Variants in NCBP1 observed in about 807,000 individuals in gnomAD.
NCBP1 encodes the protein nuclear cap-binding protein subunit 1.
NCBP1 carries 16 observed loss-of-function variants against 111.7 expected under a neutral mutation model. The observed-to-expected ratio is 0.14, with a 90% CI of 0.10 to 0.22. The LOEUF (loss-of-function observed/expected upper bound fraction) is 0.22. Among genes scored for constraint, NCBP1 ranks in the 10% least tolerant of loss-of-function variants. NCBP1 has a pLI of 1.00. For synonymous variants in NCBP1, 304 were observed against 314.3 expected (o/e 0.97, Z 0.35); for missense variants, 607 against 957.5 (o/e 0.63, Z 4.83).
chr9:97,648,086 C>T lies in NCBP1; in HGVS notation c.760C>T (p.Leu254Phe). ...GGAACGGCACATCCTAAGACCTTATCTTGCCTTTGACAGCATCCTGTGTGA... is the reference window on the plus strand; with the variant it reads ...GGAACGGCACATCCTAAGACCTTATTTTGCCTTTGACAGCATCCTGTGTGA... ...WQERHILRPY[L>F]AFDSILCEAL... Residue 254 changes from leucine (L) to phenylalanine (F), a missense_variant, in exon 8 of 23, where the codon CTT becomes TTT. Leu to Phe is a conservative substitution (Grantham distance 22). Transcript: ENST00000375147. 1 of 1,614,150 alleles carries T rather than the reference C, an allele frequency of 6.2e-7. No individual in the cohort carries two copies. The highest frequency in any genetic ancestry group is 8.5e-7 in the Non-Finnish European group (1 of 1,180,012).
chr9:97,657,131 T>A (rs1827681465), intron 14 of NCBP1, among the ~76,000 whole-genome samples: 1 of 152,144 alleles, frequency 6.6e-6, no homozygotes, highest in South Asian at 2.1e-4. Flanking sequence ...CACGCCTGGC[T>A]AATTTTTTGT....
intron 1 of NCBP1, among the ~76,000 whole-genome samples, chr9:97,638,404 T>C (rs1827113789): frequency 6.6e-6 from 1 of 152,260 alleles, no homozygotes; most frequent in East Asian, 1.9e-4. Flanking sequence ...CAGCACTATT[T>C]TCCCCTTTTC....
At chr9:97,664,315 T>C in intron 18 of NCBP1, 25 bp from the exon 19 acceptor site, 1 of 1,431,720 alleles carries the variant, frequency 7.0e-7, no homozygotes, top group Non-Finnish European at 9.8e-7. Context: ...GTGTGTGATT[T>C]ACTTGAATAA....
chr9:97,633,925 T>C lies in NCBP1; in HGVS notation c.34+10T>C. The C allele has an allele frequency of 6.3e-7, 1 of 1,583,462 alleles. No individual in the cohort carries two copies. The highest frequency in any genetic ancestry group is 8.5e-7 in the Non-Finnish European group (1 of 1,171,118). Reference sequence around the variant, plus strand: ...AGCGACGAGAACGACGGTGAGTGCCTGCGGCCCGGCCACGGAGGCCGCTCC... The same window carrying C: ...AGCGACGAGAACGACGGTGAGTGCCCGCGGCCCGGCCACGGAGGCCGCTCC... On this transcript the variant is annotated intron_variant, in intron 1 of 22. Coordinates refer to ENST00000375147, the MANE Select transcript of NCBP1 (RefSeq NM_002486.5).
intron 20 of NCBP1, among the ~76,000 whole-genome samples, chr9:97,668,120 C>T (rs1036725633): frequency 1.3e-5 from 2 of 152,184 alleles, no homozygotes; most frequent in African/African-American, 4.8e-5. Context: ...TTTCTAGATT[C>T]AGTGATGCCA....
intron 1 of NCBP1, 82 bp downstream of exon 1, chr9:97,633,997 C>A: frequency 7.1e-7 from 1 of 1,405,594 alleles, no homozygotes; most frequent in Non-Finnish European, 9.5e-7. Context: ...ACGGAAGAGA[C>A]TGGAAGCTCT....
At chr9:97,648,898 C>T (rs990565387) in intron 8 of NCBP1, among the ~76,000 whole-genome samples, 4 of 152,094 alleles carry the variant, frequency 2.6e-5, no homozygotes, top group Non-Finnish European at 5.9e-5. Flanking sequence ...GTTGAGATTT[C>T]GCCATGTTGC....
At chr9:97,647,414 C>T (rs959623143) in intron 6 of NCBP1, 78 bp from the exon 7 acceptor site, 2 of 1,135,212 alleles carry the variant, frequency 1.8e-6, no homozygotes, top group Non-Finnish European at 2.6e-6. Context: ...CTTTAATTTG[C>T]ATTTTAATAA....
chr9:97,637,959 G>GA (rs1022703114), intron 1 of NCBP1, among the ~76,000 whole-genome samples: 3 of 152,154 alleles, frequency 2.0e-5, no homozygotes, highest in African/African-American at 7.2e-5. Context: ...CTGTCTGAGT[G>GA]AAGTGGTAAT....
chr9:97,637,238 C>T (rs1488566898), intron 1 of NCBP1, among the ~76,000 whole-genome samples: 1 of 152,082 alleles, frequency 6.6e-6, no homozygotes, highest in Admixed American at 6.5e-5. Flanking sequence ...TGTAGTAGTC[C>T]ATTTATAAAC....
At chr9:97,662,360 T>C (rs1380011140) in intron 17 of NCBP1, among the ~76,000 whole-genome samples, 1 of 152,240 alleles carries the variant, frequency 6.6e-6, no homozygotes, top group African/African-American at 2.4e-5. Flanking sequence ...AAGTGCTTTT[T>C]TTCATATAGA....
intron 8 of NCBP1, among the ~76,000 whole-genome samples, chr9:97,648,984 G>A (rs1424387024): frequency 6.6e-6 from 1 of 152,136 alleles, no homozygotes; most frequent in African/African-American, 2.4e-5. Flanking sequence ...TTACAGGCAT[G>A]AGCCACTGCA....
rs1827373765 is a variant in NCBP1 at position 97,647,432 on chromosome 9, G to A, written c.612-60G>A. On this transcript the variant is annotated intron_variant, in intron 6 of 22. Coordinates refer to ENST00000375147, the MANE Select transcript of NCBP1 (RefSeq NM_002486.5). ...TAATTTGCATTTTAATAACTGTGAGGGTGACTGAGCATCTCTTGTTTTTAA... is the reference window on the plus strand; with the variant it reads ...TAATTTGCATTTTAATAACTGTGAGAGTGACTGAGCATCTCTTGTTTTTAA... The A allele has an allele frequency of 3.8e-6, 5 of 1,303,342 alleles. No homozygotes were observed. In the Admixed American group the frequency reaches 8.7e-5, roughly 23 times the overall value. The allele number at this position is 1,303,342 out of a possible 1,614,324, so 80.7% of individuals were successfully genotyped here.
At chr9:97,634,062 G>A in intron 1 of NCBP1, 147 bp downstream of exon 1, 2 of 1,070,894 alleles carry the variant, frequency 1.9e-6, no homozygotes, top group Non-Finnish European at 2.5e-6. Flanking sequence ...TATGGTGGCG[G>A]TGTGGTCGGG....
At position 97,669,554 on chromosome 9, in the gene NCBP1, C is replaced by T. The variant is rs769546845; in HGVS notation, c.2146-39C>T. The stretch of plus-strand genomic sequence containing the variant: ...GAATTTTTTTCCAAAGTATAAGATT[C>T]TGTCTGTAGTACTACCTTAACTTCT... On this transcript the variant is annotated intron_variant, in intron 21 of 22. Coordinates refer to ENST00000375147, the MANE Select transcript of NCBP1 (RefSeq NM_002486.5). The T allele has an allele frequency of 2.9e-6, 4 of 1,399,938 alleles. No homozygotes were observed. The East Asian group carries it at 9.1e-5, about 32-fold the overall frequency. 86.7% of individuals were successfully genotyped at this position (1,399,938 alleles called of 1,614,324 possible). A position where few individuals can be genotyped will look rare whatever the true frequency, so the allele number is the denominator to read the frequency against.
At chr9:97,650,639 G>T (rs1827472657) in intron 9 of NCBP1, 39 bp downstream of exon 9, 1 of 1,562,486 alleles carries the variant, frequency 6.4e-7, no homozygotes, top group Admixed American at 1.7e-5. Context: ...AGGGAGAGAA[G>T]CAGCAATTTT....
intron 20 of NCBP1, among the ~76,000 whole-genome samples, chr9:97,667,195 A>T (rs1392259604): frequency 6.6e-6 from 1 of 152,178 alleles, no homozygotes; most frequent in African/African-American, 2.4e-5. Context: ...GTATTTCTGT[A>T]GGAGTCTCTG....
At chr9:97,654,300 G>T (rs1481192459) in intron 11 of NCBP1, among the ~76,000 whole-genome samples, 2 of 152,128 alleles carry the variant, frequency 1.3e-5, no homozygotes, top group Non-Finnish European at 2.9e-5. Context: ...AAGTTTCTAT[G>T]ATATTCTAAA....
At position 97,671,306 on chromosome 9, in the gene NCBP1, T is replaced by G; in HGVS notation, c.*107T>G. 1.3e-6 allele frequency: 1 copy of G among 799,100 alleles called. No individual in the cohort carries two copies. Among genetic ancestry groups the G allele is most frequent in the Non-Finnish European group, 2.0e-6 (1 of 504,524 alleles). 49.5% of individuals were successfully genotyped at this position (799,100 alleles called of 1,614,324 possible). A position where few individuals can be genotyped will look rare whatever the true frequency, so the allele number is the denominator to read the frequency against. ...TTTCTTGTAGTATCCTTTCACTTCTTAAAGGAAACAAAGGGGAAGAGGACA... is the reference window on the plus strand; with the variant it reads ...TTTCTTGTAGTATCCTTTCACTTCTGAAAGGAAACAAAGGGGAAGAGGACA... On this transcript the variant is annotated 3_prime_UTR_variant, in exon 23 of 23. Coordinates refer to ENST00000375147, the MANE Select transcript of NCBP1 (RefSeq NM_002486.5).
Sources: allele counts gnomAD v4.1 joint callset (sites outside exome capture counted in the v4.1 genomes callset), GRCh38; gene constraint gnomAD v4.1.1; transcripts MANE v1.5; gene names NCBI Gene and HGNC (gene_info 2026-07-23, HGNC 2026-07-21).